The following PTPRM variants were observed in gnomAD, a reference collection of about 807,000 sequenced individuals.
The protein encoded by PTPRM is receptor-type tyrosine-protein phosphatase mu.
A neutral mutation model predicts 186.7 loss-of-function variants in PTPRM; 47 were observed. The observed-to-expected ratio is 0.25, with a 90% CI of 0.20 to 0.32. The LOEUF is 0.32. Ranked by LOEUF, PTPRM falls within the 10% of genes least tolerant of loss-of-function variation. PTPRM has a pLI of 1.00. For missense variants in PTPRM, 1,494 were observed against 1,865.0 expected, an observed-to-expected ratio of 0.80 and a Z score of 3.66; for synonymous variants, 668 against 674.9, an observed-to-expected ratio of 0.99 and a Z score of 0.16.
intron 20 of PTPRM, among the ~76,000 whole-genome samples, chr18:8,304,334 G>A (rs1361080937): frequency 1.3e-5 from 2 of 152,130 alleles, no homozygotes; most frequent in Admixed American, 1.3e-4. Context: ...CCTAAATCTC[G>A]CATCACCCCA....
intron 1 of PTPRM, among the ~76,000 whole-genome samples, chr18:7,606,370 G>A (rs370983196): frequency 6.6e-5 from 10 of 152,220 alleles, no homozygotes; most frequent in African/African-American, 7.2e-5. Flanking sequence ...TTGGATGGGC[G>A]GGGCCAGATG....
At chr18:7,794,951 A>C (rs1416811590) in intron 2 of PTPRM, among the ~76,000 whole-genome samples, 2 of 152,174 alleles carry the variant, frequency 1.3e-5, no homozygotes, top group Admixed American at 6.5e-5. Context: ...CCAGTGCTCC[A>C]GTAGCACCAA....
rs777294863 is a variant in PTPRM at position 8,376,115 on chromosome 18, T to C, written c.3241T>C (p.Tyr1081His). 1 of 1,614,072 alleles carries C rather than the reference T, an allele frequency of 6.2e-7. No individual in the cohort carries two copies. Among genetic ancestry groups the C allele is most frequent in the South Asian group, 1.1e-5 (1 of 91,086 alleles). Residue 1081 changes from tyrosine to histidine, a missense_variant, in exon 25 of 33, where the codon TAC (tyrosine) becomes CAC (histidine). Physicochemically the swap from Tyr to His is moderately conservative, Grantham distance 83 (BLOSUM62 2). Transcript: ENST00000580170. The stretch of plus-strand genomic sequence containing the variant: ...TGGCTGGCCGGATCATGGGGTCCCC[T>C]ACCATGCCACCGGCCTGCTGGGATT... ...FTGWPDHGVP[Y>H]HATGLLGFVR...
intron 19 of PTPRM, among the ~76,000 whole-genome samples, chr18:8,269,294 G>A (rs1394767059): frequency 1.3e-5 from 2 of 151,764 alleles, no homozygotes; most frequent in Non-Finnish European, 2.9e-5. Flanking sequence ...ATTTATAATA[G>A]CATCAAAAAG....
intron 2 of PTPRM, among the ~76,000 whole-genome samples, chr18:7,833,049 A>G (rs1335556502): frequency 4.6e-5 from 7 of 152,020 alleles, no homozygotes; most frequent in Non-Finnish European, 1.0e-4. Flanking sequence ...AAGTCAGGTA[A>G]TGTGCTTCCT....
chr18:8,055,883 G>A (rs1258364528), intron 7 of PTPRM, among the ~76,000 whole-genome samples: 1 of 152,092 alleles, frequency 6.6e-6, no homozygotes, highest in East Asian at 1.9e-4. Flanking sequence ...CCTGCCCCTG[G>A]CCCATGGCTT....
At chr18:7,688,490 C>T (rs1398764416) in intron 1 of PTPRM, among the ~76,000 whole-genome samples, 1 of 152,190 alleles carries the variant, frequency 6.6e-6, no homozygotes, top group Non-Finnish European at 1.5e-5. Context: ...TGTTGGAGGA[C>T]TGAGGCTTCT....
chr18:7,795,083 C>T (rs2043549976), intron 2 of PTPRM, among the ~76,000 whole-genome samples: 1 of 152,174 alleles, frequency 6.6e-6, no homozygotes, highest in Non-Finnish European at 1.5e-5. Context: ...TTGTGATCAC[C>T]AGATGTACTA....
In PTPRM at chr18:7,858,144, GATAA is replaced by G. The variant is rs372596097; in HGVS notation, c.197-29956_197-29953del. 2.3e-4 allele frequency among the ~76,000 whole-genome samples: 35 copies of G among 152,260 alleles called. 2 individuals carry two copies. In the South Asian group the frequency reaches 7.1e-3, roughly 31 times the overall value. ...AGATTTTATTTTTCTTATTGAATAGGATAAATAAAGGTGACGTACAAGGAAGTTC... is the reference window on the plus strand; with the variant it reads ...AGATTTTATTTTTCTTATTGAATAGGATAAAGGTGACGTACAAGGAAGTTC... On this transcript the variant is annotated intron_variant, in intron 2 of 32. Coordinates refer to ENST00000580170, the MANE Select transcript of PTPRM (RefSeq NM_001105244.2).
chr18:7,887,938 TAGG>T, intron 2 of PTPRM, 165 bp from the exon 3 acceptor site: 2 of 810,276 alleles, frequency 2.5e-6, no homozygotes, highest in Non-Finnish European at 2.2e-6. Flanking sequence ...AGGGGGATGA[TAGG>T]AGGAGGAGGT....
chr18:7,682,614 TA>T (rs1349391069), intron 1 of PTPRM, among the ~76,000 whole-genome samples: 1 of 152,164 alleles, frequency 6.6e-6, no homozygotes, highest in African/African-American at 2.4e-5. Flanking sequence ...AGATGACAAA[TA>T]AAAAGACCCA....
At chr18:8,009,695 A>G (rs889622214) in intron 7 of PTPRM, among the ~76,000 whole-genome samples, 2 of 152,174 alleles carry the variant, frequency 1.3e-5, no homozygotes, top group Non-Finnish European at 2.9e-5. Flanking sequence ...GGGACAGAGC[A>G]AGACTCTATC....
intron 2 of PTPRM, among the ~76,000 whole-genome samples, chr18:7,870,854 T>C (rs2047948491): frequency 6.6e-6 from 1 of 152,188 alleles, no homozygotes; most frequent in Non-Finnish European, 1.5e-5. Flanking sequence ...TAAAACACTT[T>C]AGAAAAGAAC....
intron 20 of PTPRM, among the ~76,000 whole-genome samples, chr18:8,308,818 A>C (rs2095246018): frequency 6.6e-6 from 1 of 152,230 alleles, no homozygotes; most frequent in African/African-American, 2.4e-5. Context: ...ATTAAAATTA[A>C]ATTAAAATTT....
chr18:7,595,062 A>G (rs1244703660), intron 1 of PTPRM, among the ~76,000 whole-genome samples: 2 of 152,178 alleles, frequency 1.3e-5, no homozygotes, highest in Non-Finnish European at 2.9e-5. Context: ...CTCGTTGAAT[A>G]GCTCCTTCAG....
chr18:8,027,866 A>G (rs1379670217), intron 7 of PTPRM, among the ~76,000 whole-genome samples: 1 of 152,022 alleles, frequency 6.6e-6, no homozygotes. Flanking sequence ...TCTGTTAGCG[A>G]TTTCTTCCAT....
At chr18:7,702,453 G>GT (rs1288053093) in intron 1 of PTPRM, among the ~76,000 whole-genome samples, 6 of 151,978 alleles carry the variant, frequency 3.9e-5, no homozygotes, top group African/African-American at 1.2e-4. Flanking sequence ...GATGATGAGG[G>GT]TTTTTTTCAT....
At chr18:7,986,350 A>T (rs996009467) in intron 7 of PTPRM, among the ~76,000 whole-genome samples, 10 of 152,226 alleles carry the variant, frequency 6.6e-5, no homozygotes, top group African/African-American at 2.4e-4. Flanking sequence ...ACTTAGGAAT[A>T]TTTTGTACTG....
At chr18:7,835,707 T>C (rs1267772095) in intron 2 of PTPRM, among the ~76,000 whole-genome samples, 1 of 150,932 alleles carries the variant, frequency 6.6e-6, no homozygotes, top group East Asian at 1.9e-4. Context: ...TCTCTATCTC[T>C]CTTTAGCGCT....
Sources: gnomAD v4.1 joint callset for allele counts (sites outside exome capture counted in the v4.1 genomes callset) on GRCh38, gnomAD v4.1.1 for gene constraint, MANE v1.5 for transcripts, NCBI Gene and HGNC (gene_info 2026-07-23, HGNC 2026-07-21) for gene names.